Variants in SASH1 observed in about 807,000 individuals in gnomAD.
SASH1 encodes SAM and SH3 domain-containing protein 1.
SASH1 carries 44 observed loss-of-function variants against 125.2 expected under a neutral mutation model. The ratio of observed to expected loss-of-function variants is 0.35; its 90% CI spans 0.28 to 0.45. The LOEUF is 0.45. Ranked by LOEUF, SASH1 falls within the 20% of genes least tolerant of loss-of-function variation. The pLI is 1.00. For missense variants in SASH1, 1,426 were observed against 1,614.5 expected, an observed-to-expected ratio of 0.88 and a Z score of 2.00; for synonymous variants, 639 against 649.1, an observed-to-expected ratio of 0.98 and a Z score of 0.24.
intron 1 of SASH1, among the ~76,000 whole-genome samples, chr6:148,356,854 ATC>A (rs1482568845): frequency 6.6e-6 from 1 of 152,078 alleles, no homozygotes; most frequent in Non-Finnish European, 1.5e-5. Flanking sequence ...CCATACCCAC[ATC>A]TGTTATTTTT....
chr6:148,537,092 G>A (rs980481872), intron 16 of SASH1, among the ~76,000 whole-genome samples: 6 of 152,184 alleles, frequency 3.9e-5, no homozygotes, highest in Non-Finnish European at 8.8e-5. Flanking sequence ...AAGAAGTAGT[G>A]CCTCTAACTG....
At chr6:148,493,862 T>G (rs1779208494) in intron 8 of SASH1, among the ~76,000 whole-genome samples, 1 of 152,248 alleles carries the variant, frequency 6.6e-6, no homozygotes, top group South Asian at 2.1e-4. Flanking sequence ...GTTGAGAGCT[T>G]AGCTCGATTT....
At chr6:148,319,411 A>T (rs748884114) in intron 1 of SASH1, among the ~76,000 whole-genome samples, 2 of 152,054 alleles carry the variant, frequency 1.3e-5, no homozygotes, top group Non-Finnish European at 2.9e-5. Context: ...GTCCTCCCTT[A>T]TTCATGGTTT....
intron 8 of SASH1, among the ~76,000 whole-genome samples, chr6:148,488,307 G>C (rs1033121246): frequency 5.9e-5 from 9 of 152,234 alleles, no homozygotes; most frequent in African/African-American, 2.2e-4. Flanking sequence ...CCACGCTGCA[G>C]CATGTATCAG....
Position 148,523,254 on chromosome 6 carries a change from CTG to C in SASH1, c.1210-2034_1210-2033del, listed in dbSNP as rs533994870. On this transcript the variant is annotated intron_variant, in intron 10 of 19. Coordinates refer to ENST00000367467, the MANE Select transcript of SASH1 (RefSeq NM_015278.5). ...GAGGCATCTGGGTGCCATACCATGT[CTG>C]TGAAGCCCTGAGTCACGGGAAAGGA... is the stretch of plus-strand genomic sequence containing the variant. 1.4e-4 allele frequency among the ~76,000 whole-genome samples: 22 copies of C among 152,294 alleles called. No individual in the cohort carries two copies. In the South Asian group the frequency reaches 4.4e-3, roughly 30 times the overall value.
At chr6:148,284,438 CA>C (rs943001302) in intron 1 of SASH1, among the ~76,000 whole-genome samples, 9 of 148,466 alleles carry the variant, frequency 6.1e-5, no homozygotes, top group Admixed American at 1.3e-4. Context: ...GACTCCATCC[CA>C]AAAAAAAATA....
At chr6:148,401,775 G>A (rs946134359) in intron 2 of SASH1, among the ~76,000 whole-genome samples, 3 of 149,472 alleles carry the variant, frequency 2.0e-5, no homozygotes, top group Admixed American at 6.9e-5. Flanking sequence ...TGAACATCTG[G>A]ATGTGTGTGT....
At chr6:148,249,266 A>G in the SASH1 span, among the ~76,000 whole-genome samples, 24,611 of 152,232 alleles carry the variant, frequency 0.16, 2,624 homozygotes, top group Non-Finnish European at 0.23. Flanking sequence ...CCCTGAGGGG[A>G]GAAGCTGCTT....
At chr6:148,387,636 C>CCTTCCT (rs1562371376) in intron 1 of SASH1, among the ~76,000 whole-genome samples, 10 of 37,844 alleles carry the variant, frequency 2.6e-4, no homozygotes, top group Admixed American at 1.3e-3. Context: ...TTCTTTCTTT[C>CCTTCCT]TTTCTTTCTT....
chr6:148,387,566 CT>C (rs1305335573), intron 1 of SASH1, among the ~76,000 whole-genome samples: 9 of 70,096 alleles, frequency 1.3e-4, no homozygotes, highest in Admixed American at 8.0e-4. Context: ...TCTTTCTTTT[CT>C]CTTTCTTTCT....
At chr6:148,540,322 G>A in intron 16 of SASH1, 121 bp from the exon 17 acceptor site, 1 of 697,060 alleles carries the variant, frequency 1.4e-6, no homozygotes, top group South Asian at 1.7e-5. Context: ...TCTATTTTAA[G>A]ATAAATTGTT....
chr6:148,226,432 C>T, the SASH1 span, among the ~76,000 whole-genome samples: 2 of 152,068 alleles, frequency 1.3e-5, no homozygotes, highest in Non-Finnish European at 1.5e-5. Flanking sequence ...CACATTTAAT[C>T]GTTCAGTCAG....
intron 8 of SASH1, chr6:148,508,777 T>C (rs1040390603): frequency 8.1e-7 from 1 of 1,236,430 alleles, no homozygotes; most frequent in Non-Finnish European, 1.0e-6. Context: ...ATTGCGGAGT[T>C]TGATGCTACA....
chr6:148,401,023 T>A (rs2114868138), intron 2 of SASH1, among the ~76,000 whole-genome samples: 1 of 152,128 alleles, frequency 6.6e-6, no homozygotes, highest in African/African-American at 2.4e-5. Flanking sequence ...GGCTGGTGGA[T>A]CGCTTGAGTT....
At chr6:148,468,627 A>G (rs775516218) in intron 5 of SASH1, 42 bp downstream of exon 5, 105 of 1,311,564 alleles carry the variant, frequency 8.0e-5, no homozygotes, top group African/African-American at 1.9e-4. Flanking sequence ...AATTATTTCA[A>G]TACTTTATAG....
At chr6:148,322,956 T>C (rs578020805) in intron 1 of SASH1, among the ~76,000 whole-genome samples, 1 of 144,864 alleles carries the variant, frequency 6.9e-6, no homozygotes, top group Admixed American at 7.1e-5. Context: ...CCTTCCTCCC[T>C]CCCTCCCTCT....
rs1779746503 is a variant in SASH1 at position 148,295,681 on chromosome 6, CA to C, written n.74+23305del. ...AGTTTAAGCTGATGGCGGCGTATGGCAGCACAGCTCCAGCAGAAAAGCACTG... is the reference window on the plus strand; with the variant it reads ...AGTTTAAGCTGATGGCGGCGTATGGCGCACAGCTCCAGCAGAAAAGCACTG... On this transcript the variant is annotated intron_variant and non_coding_transcript_variant, in intron 1 of 3. Coordinates refer to the SASH1 transcript ENST00000367469. Among the ~76,000 whole-genome samples the C allele has an allele frequency of 2.6e-5, 4 of 152,210 alleles. No individual in the cohort carries two copies. The South Asian group carries it at 8.3e-4, about 31-fold the overall frequency.
the SASH1 span, among the ~76,000 whole-genome samples, chr6:148,208,631 C>T: frequency 9.7e-3 from 1,474 of 152,210 alleles, 23 homozygotes; most frequent in African/African-American, 0.033. Flanking sequence ...GCTTCCCTGC[C>T]CCCAGAAAAT....
chr6:148,380,916 A>G (rs1249320194), intron 1 of SASH1, among the ~76,000 whole-genome samples: 2 of 152,188 alleles, frequency 1.3e-5, no homozygotes, highest in African/African-American at 4.8e-5. Flanking sequence ...ATAAACATTC[A>G]TGTTTTTTGA....
Sources: gnomAD v4.1 joint callset for allele counts (sites outside exome capture counted in the v4.1 genomes callset) on GRCh38, gnomAD v4.1.1 for gene constraint, MANE v1.5 for transcripts, NCBI Gene and HGNC (gene_info 2026-07-23, HGNC 2026-07-21) for gene names.